Variants in EXOC6B observed in about 807,000 individuals in gnomAD.
EXOC6B encodes the protein exocyst complex component 6B.
EXOC6B carries 54 observed loss-of-function variants against 113.5 expected under a neutral mutation model. That is an observed-to-expected ratio of 0.48 (90% CI 0.38 to 0.60). The LOEUF (loss-of-function observed/expected upper bound fraction) is 0.60, where lower values mean the gene tolerates loss of function less well. Among genes scored for constraint, EXOC6B ranks in the 20% least tolerant of loss-of-function variants. EXOC6B has a pLI of 0.00. For synonymous variants in EXOC6B, 357 were observed against 339.0 expected (o/e 1.05, Z -0.58); for missense variants, 797 against 977.5 (o/e 0.82, Z 2.46).
intron 18 of EXOC6B, among the ~76,000 whole-genome samples, chr2:72,441,762 C>A (rs906084764): frequency 2.0e-5 from 3 of 151,876 alleles, no homozygotes; most frequent in Non-Finnish European, 4.4e-5. Context: ...CCAACCACCC[C>A]CCGCCCAACA....
intron 6 of EXOC6B, among the ~76,000 whole-genome samples, chr2:72,645,227 CAAG>C (rs1673612763): frequency 6.6e-6 from 1 of 152,134 alleles, no homozygotes; most frequent in South Asian, 2.1e-4. Flanking sequence ...ATCAATTCAA[CAAG>C]AAGAACTAAC....
At chr2:72,317,559 T>TCACACACACACACACA (rs72124979) in intron 20 of EXOC6B, among the ~76,000 whole-genome samples, 8 of 140,600 alleles carry the variant, frequency 5.7e-5, no homozygotes, top group African/African-American at 1.8e-4. Context: ...TATGAACACA[T>TCACACACACACACACA]CACACACACA....
intron 6 of EXOC6B, among the ~76,000 whole-genome samples, chr2:72,607,306 G>A (rs770185914): frequency 1.9e-4 from 29 of 151,852 alleles, no homozygotes; most frequent in Non-Finnish European, 2.6e-4. Flanking sequence ...TCTCTATCTC[G>A]TGCACTCTCT....
intron 16 of EXOC6B, among the ~76,000 whole-genome samples, chr2:72,482,479 T>G (rs1699162164): frequency 6.8e-6 from 1 of 147,146 alleles, no homozygotes; most frequent in Admixed American, 6.9e-5. Flanking sequence ...TTTGGTCTAG[T>G]GAGACAGTGA....
intron 15 of EXOC6B, among the ~76,000 whole-genome samples, chr2:72,493,492 T>C (rs551558864): frequency 2.6e-5 from 4 of 152,218 alleles, no homozygotes; most frequent in African/African-American, 9.6e-5. Context: ...AGAAGTGTTA[T>C]TACTATGTGG....
chr2:72,334,805 C>G, intron 20 of EXOC6B, 142 bp downstream of exon 20: 2 of 441,248 alleles, frequency 4.5e-6, no homozygotes, highest in African/African-American at 2.1e-5. Flanking sequence ...AAAGAGGTGG[C>G]CTCAAATACA....
At chr2:72,461,440 G>A (rs1697668508) in intron 18 of EXOC6B, 1 of 150,434 alleles carries the variant, frequency 6.6e-6, no homozygotes, top group East Asian at 1.9e-4. Flanking sequence ...TTTAATTTGT[G>A]TATATATTAA....
intron 20 of EXOC6B, among the ~76,000 whole-genome samples, chr2:72,306,809 A>C (rs1011913856): frequency 2.0e-5 from 3 of 152,182 alleles, no homozygotes; most frequent in African/African-American, 7.2e-5. Context: ...ATATGCTCTT[A>C]ATCTCCAAAA....
intron 18 of EXOC6B, among the ~76,000 whole-genome samples, chr2:72,403,884 C>T (rs1693527677): frequency 6.6e-6 from 1 of 152,192 alleles, no homozygotes; most frequent in East Asian, 1.9e-4. Context: ...GTGCAGTACA[C>T]CGAGCATGAC....
At chr2:72,405,746 A>C (rs1222055749) in intron 18 of EXOC6B, among the ~76,000 whole-genome samples, 2 of 152,232 alleles carry the variant, frequency 1.3e-5, no homozygotes, top group Non-Finnish European at 2.9e-5. Flanking sequence ...CACTGCAAAA[A>C]CATGCCAAAT....
chr2:72,309,023 A>G (rs550468569), intron 20 of EXOC6B, among the ~76,000 whole-genome samples: 1 of 152,232 alleles, frequency 6.6e-6, no homozygotes, highest in East Asian at 1.9e-4. Context: ...AGACTGATTT[A>G]AAACCTTAAA....
At chr2:72,208,703 A>C (rs143629054) in intron 20 of EXOC6B, among the ~76,000 whole-genome samples, 171 of 152,266 alleles carry the variant, frequency 1.1e-3, no homozygotes, top group African/African-American at 3.9e-3. Context: ...CTCAGAATGA[A>C]ACCCAGGGTA....
At chr2:72,317,156 GTT>G (rs397949580) in intron 20 of EXOC6B, among the ~76,000 whole-genome samples, 1 of 144,678 alleles carries the variant, frequency 6.9e-6, no homozygotes. Flanking sequence ...ATTGTGGTTT[GTT>G]TTTTTTTTTT....
intron 6 of EXOC6B, among the ~76,000 whole-genome samples, chr2:72,602,365 T>C (rs1670487703): frequency 6.6e-6 from 1 of 152,158 alleles, no homozygotes; most frequent in Non-Finnish European, 1.5e-5. Context: ...TATGCTTAAG[T>C]CTCTTCCTTC....
At chr2:72,515,607 C>G in intron 8 of EXOC6B, 1 of 994,548 alleles carries the variant, frequency 1.0e-6, no homozygotes, top group Non-Finnish European at 1.2e-6. Context: ...AGGTTATAAT[C>G]CAGCACAGGA....
intron 18 of EXOC6B, among the ~76,000 whole-genome samples, chr2:72,430,523 T>G (rs975631973): frequency 1.3e-5 from 2 of 152,178 alleles, no homozygotes; most frequent in Admixed American, 6.5e-5. Context: ...GGCACATGCC[T>G]GTGATCTCAC....
At chr2:72,524,375 T>A (rs1357935644) in intron 8 of EXOC6B, among the ~76,000 whole-genome samples, 2 of 152,102 alleles carry the variant, frequency 1.3e-5, no homozygotes, top group East Asian at 3.9e-4. Context: ...ATGCCCCCTA[T>A]TGCTTAAATC....
chr2:72,636,422 G>A (rs948600922), intron 6 of EXOC6B, among the ~76,000 whole-genome samples: 7 of 150,292 alleles, frequency 4.7e-5, no homozygotes, highest in Non-Finnish European at 8.9e-5. Context: ...GAGGGAGGAC[G>A]AGAAGAGGAG....
intron 18 of EXOC6B, among the ~76,000 whole-genome samples, chr2:72,422,115 T>C (rs1228379810): frequency 6.6e-6 from 1 of 151,982 alleles, no homozygotes; most frequent in African/African-American, 2.4e-5. Flanking sequence ...TCCCACCCAC[T>C]CCATGGGCCC....
Sources: allele counts gnomAD v4.1 joint callset (sites outside exome capture counted in the v4.1 genomes callset), GRCh38; gene constraint gnomAD v4.1.1; transcripts MANE v1.5; gene names NCBI Gene and HGNC (gene_info 2026-07-23, HGNC 2026-07-21).